CPEB3: variants seen among roughly 807,000 people sequenced by gnomAD.
CPEB3 encodes cytoplasmic polyadenylation element binding protein 3.
In CPEB3, 20 loss-of-function variants were observed where a neutral mutation model predicts 67.2. The ratio of observed to expected loss-of-function variants is 0.30; its 90% CI spans 0.21 to 0.43. CPEB3 has a LOEUF of 0.43. Ranked by LOEUF, CPEB3 falls within the 20% of genes least tolerant of loss-of-function variation. CPEB3 has a pLI of 1.00. For synonymous variants in CPEB3, 376 were observed against 393.1 expected, an observed-to-expected ratio of 0.96 and a Z score of 0.51; for missense variants, 746 against 968.6, an observed-to-expected ratio of 0.77 and a Z score of 3.05.
At chr10:92,244,946 T>C (rs971784087) in intron 1 of CPEB3, among the ~76,000 whole-genome samples, 2 of 152,162 alleles carry the variant, frequency 1.3e-5, no homozygotes, top group Non-Finnish European at 2.9e-5. Flanking sequence ...TAGCAATAAA[T>C]GTCAGTTGAT....
intron 8 of CPEB3, among the ~76,000 whole-genome samples, chr10:92,082,373 G>A (rs1445421133): frequency 6.6e-6 from 1 of 152,060 alleles, no homozygotes; most frequent in Non-Finnish European, 1.5e-5. Context: ...CAACCTCCCC[G>A]GTTCAAGTGA....
chr10:92,257,225 G>A (rs139110802), intron 1 of CPEB3, among the ~76,000 whole-genome samples: 1 of 152,290 alleles, frequency 6.6e-6, no homozygotes, highest in East Asian at 1.9e-4. Context: ...CTGTTTCCTT[G>A]AGCCTTATTT....
chr10:92,064,213 T>C (rs1009947195), intron 9 of CPEB3, among the ~76,000 whole-genome samples: 1 of 152,070 alleles, frequency 6.6e-6, no homozygotes, highest in Non-Finnish European at 1.5e-5. Context: ...AGAGTTGCCA[T>C]ACTATATCAG....
intron 4 of CPEB3, among the ~76,000 whole-genome samples, chr10:92,176,854 C>T (rs1289807104): frequency 2.0e-5 from 3 of 152,266 alleles, no homozygotes; most frequent in African/African-American, 4.8e-5. Flanking sequence ...CTAGAACAAA[C>T]TTGTCGAACC....
Position 92,116,669 on chromosome 10 carries a change from G to A in CPEB3, c.1454-5475C>T, listed in dbSNP as rs145588779. Among the ~76,000 whole-genome samples the A allele has an allele frequency of 5.3e-5, 8 of 152,294 alleles. No homozygotes were observed. The East Asian group carries it at 1.5e-3, about 29-fold the overall frequency. On this transcript the variant is annotated intron_variant, in intron 6 of 9. Coordinates refer to ENST00000265997, the MANE Select transcript of CPEB3 (RefSeq NM_014912.5). ...CTTCCAGTTTCAGAAATGGTAACCT[G>A]AGGAGTATGTGGGGGCTTCAGTGAT...
chr10:92,100,183 C>G (rs1166115935), intron 7 of CPEB3, among the ~76,000 whole-genome samples: 2 of 152,226 alleles, frequency 1.3e-5, no homozygotes, highest in South Asian at 2.1e-4. Context: ...TAAGAGAAAA[C>G]ACAATTTTTT....
intron 6 of CPEB3, among the ~76,000 whole-genome samples, chr10:92,132,077 C>A (rs1266192779): frequency 6.6e-6 from 1 of 152,080 alleles, no homozygotes. Context: ...ACATTTAAAA[C>A]AAAACTAAGC....
At chr10:92,224,232 A>C (rs1273700192) in intron 2 of CPEB3, among the ~76,000 whole-genome samples, 2 of 152,022 alleles carry the variant, frequency 1.3e-5, no homozygotes, top group Non-Finnish European at 2.9e-5. Flanking sequence ...CCTTTTAATC[A>C]CTTTAGGTTC....
intron 9 of CPEB3, among the ~76,000 whole-genome samples, chr10:92,073,030 ATC>A (rs892621932): frequency 2.7e-5 from 4 of 147,066 alleles, no homozygotes; most frequent in Non-Finnish European, 4.5e-5. Context: ...TAAGGCATGA[ATC>A]TCTGTCTTTT....
intron 1 of CPEB3, among the ~76,000 whole-genome samples, chr10:92,285,028 A>G (rs950935942): frequency 1.3e-5 from 2 of 152,184 alleles, no homozygotes; most frequent in Admixed American, 6.5e-5. Context: ...AAGGGGCATA[A>G]ACTGGTAAGA....
intron 4 of CPEB3, among the ~76,000 whole-genome samples, chr10:92,175,086 A>C (rs1335378926): frequency 6.6e-6 from 1 of 152,028 alleles, no homozygotes; most frequent in Non-Finnish European, 1.5e-5. Flanking sequence ...AGATGCCATC[A>C]TTACACATGA....
At chr10:92,197,884 AGATTGCAACGTCGG>A (rs1849314820) in intron 2 of CPEB3, among the ~76,000 whole-genome samples, 1 of 152,166 alleles carries the variant, frequency 6.6e-6, no homozygotes, top group South Asian at 2.1e-4. Context: ...CGAGGTGGGC[AGATTGCAACGTCGG>A]GAGTTCGAGA....
chr10:92,099,820 C>T (rs1844086344), intron 7 of CPEB3, among the ~76,000 whole-genome samples: 2 of 149,074 alleles, frequency 1.3e-5, no homozygotes, highest in East Asian at 2.0e-4. Flanking sequence ...ACTGAGATCA[C>T]GCCATTGCAC....
chr10:92,137,423 G>T (rs186201778), intron 6 of CPEB3: 2 of 1,166,738 alleles, frequency 1.7e-6, no homozygotes, highest in African/African-American at 1.6e-5. Context: ...TTAAGCCATG[G>T]ATTCAAGGAC....
intron 9 of CPEB3, among the ~76,000 whole-genome samples, chr10:92,074,889 A>C (rs1164887609): frequency 2.0e-5 from 3 of 152,228 alleles, no homozygotes; most frequent in African/African-American, 7.2e-5. Flanking sequence ...CTAGATGTCC[A>C]GTTGAGAGAT....
intron 4 of CPEB3, among the ~76,000 whole-genome samples, chr10:92,146,211 T>C (rs1244645173): frequency 6.6e-6 from 1 of 152,158 alleles, no homozygotes; most frequent in East Asian, 1.9e-4. Context: ...ATAAGAAAGA[T>C]ACCAGCAGTT....
chr10:92,086,054 T>C (rs1220217907), intron 8 of CPEB3, among the ~76,000 whole-genome samples: 1 of 152,080 alleles, frequency 6.6e-6, no homozygotes, highest in Non-Finnish European at 1.5e-5. Flanking sequence ...TAAGGCAACA[T>C]GTGAGTCTGA....
At chr10:92,121,728 A>C (rs576252779) in intron 6 of CPEB3, among the ~76,000 whole-genome samples, 1 of 152,278 alleles carries the variant, frequency 6.6e-6, no homozygotes, top group South Asian at 2.1e-4. Context: ...AGCATTCATA[A>C]AATGGCAGAC....
intron 1 of CPEB3, among the ~76,000 whole-genome samples, chr10:92,242,602 A>G (rs978888212): frequency 6.6e-6 from 1 of 152,226 alleles, no homozygotes; most frequent in African/African-American, 2.4e-5. Flanking sequence ...ATTTGATTAT[A>G]ATTTTAATAT....
Sources: gnomAD v4.1 joint callset for allele counts (sites outside exome capture counted in the v4.1 genomes callset) on GRCh38, gnomAD v4.1.1 for gene constraint, MANE v1.5 for transcripts, NCBI Gene and HGNC (gene_info 2026-07-23, HGNC 2026-07-21) for gene names.